The following PCDH11X variants were observed in gnomAD, a reference collection of about 807,000 sequenced individuals.
The protein encoded by PCDH11X is protocadherin-11 X-linked.
A neutral mutation model predicts 53.3 loss-of-function variants in PCDH11X; 18 were observed. The observed-to-expected ratio is 0.34, with a 90% CI of 0.23 to 0.50. PCDH11X has a LOEUF of 0.50. Ranked by LOEUF, PCDH11X falls within the 20% of genes least tolerant of loss-of-function variation. The probability of loss-of-function intolerance (pLI) is 0.98; values close to 1 mark genes in which losing one functional copy is unlikely to be tolerated. For missense variants in PCDH11X, 570 were observed against 1,032.4 expected, an observed-to-expected ratio of 0.55 and a Z score of 6.14; for synonymous variants, 279 against 393.3, an observed-to-expected ratio of 0.71 and a Z score of 3.44.
At chrX:92,464,011 G>T (rs1467502971) in intron 9 of PCDH11X, among the ~76,000 whole-genome samples, 1 of 111,497 alleles carries the variant, frequency 9.0e-6, no homozygotes, top group Non-Finnish European at 1.9e-5. Context: ...TAAGGTTTTA[G>T]TTACCTCTAT....
intron 6 of PCDH11X, among the ~76,000 whole-genome samples, chrX:92,193,007 G>A (rs2066226626): frequency 8.9e-6 from 1 of 112,041 alleles, no homozygotes; most frequent in Non-Finnish European, 1.9e-5. Flanking sequence ...CCAAAGTGCT[G>A]AGATTACAGG....
intron 8 of PCDH11X, among the ~76,000 whole-genome samples, chrX:92,382,816 T>C (rs1260707311): frequency 1.9e-5 from 2 of 105,015 alleles, no homozygotes; most frequent in Non-Finnish European, 3.9e-5. Flanking sequence ...TCAATAGATT[T>C]GTTTTAATTT....
chrX:92,524,680 G>A (rs1298538030), intron 10 of PCDH11X, among the ~76,000 whole-genome samples: 1 of 109,504 alleles, frequency 9.1e-6, no homozygotes, highest in African/African-American at 3.3e-5. Context: ...TTATCATCTG[G>A]TATTCTGTTC....
At chrX:92,280,168 A>C (rs1182883862) in intron 8 of PCDH11X, among the ~76,000 whole-genome samples, 2 of 112,210 alleles carry the variant, frequency 1.8e-5, no homozygotes, top group African/African-American at 3.2e-5. Flanking sequence ...CTAGGTGTGT[A>C]GTAGGCTACA....
chrX:92,159,541 T>C (rs1310588852), intron 6 of PCDH11X, among the ~76,000 whole-genome samples: 1 of 109,066 alleles, frequency 9.2e-6, no homozygotes, highest in Non-Finnish European at 1.9e-5. Context: ...AGTGTGTGTA[T>C]GTTTTAGAGT....
Position 92,622,550 on chromosome X carries a change from A to AT in PCDH11X, c.*3616dup, listed in dbSNP as rs760480214. The AT allele has an allele frequency of 6.3e-5, 7 of 110,344 alleles. No homozygotes were observed. In the East Asian group the frequency reaches 1.7e-3, roughly 27 times the overall value. The allele number at this position is 110,344 out of a possible 1,213,427, so 9.1% of individuals were successfully genotyped here. The stretch of plus-strand genomic sequence containing the variant: ...TTATTTCTTATCTTTCTTCTTTTAT[A>AT]TTTTTTGGAAACCAAATTTATAGTT... On this transcript the variant is annotated 3_prime_UTR_variant, in exon 11 of 11. Coordinates refer to ENST00000682573, the MANE Select transcript of PCDH11X (RefSeq NM_032968.5).
intron 6 of PCDH11X, among the ~76,000 whole-genome samples, chrX:91,966,552 G>A (rs1036158468): frequency 3.4e-4 from 37 of 109,545 alleles, no homozygotes; most frequent in African/African-American, 1.2e-3. Context: ...TGTAAATGAC[G>A]AGTTGATGGG....
chrX:92,317,005 C>T (rs958164180), intron 8 of PCDH11X, among the ~76,000 whole-genome samples: 9 of 110,858 alleles, frequency 8.1e-5, no homozygotes, highest in African/African-American at 3.0e-4. Flanking sequence ...CAGCCAAACA[C>T]GTACTTTCAA....
At chrX:92,132,506 G>A (rs1243682138) in intron 6 of PCDH11X, among the ~76,000 whole-genome samples, 3 of 102,473 alleles carry the variant, frequency 2.9e-5, no homozygotes, top group Admixed American at 2.2e-4. Context: ...TACTTGGGAG[G>A]CTGAGGCAGG....
chrX:92,147,384 A>G (rs1221982676), intron 6 of PCDH11X, among the ~76,000 whole-genome samples: 1 of 110,927 alleles, frequency 9.0e-6, no homozygotes, highest in Non-Finnish European at 1.9e-5. Context: ...ACTTTTACAC[A>G]TTTTATTCCC....
At chrX:92,595,157 A>C (rs1366671595) in intron 10 of PCDH11X, among the ~76,000 whole-genome samples, 2 of 109,449 alleles carry the variant, frequency 1.8e-5, no homozygotes, top group Non-Finnish European at 3.8e-5. Context: ...AAGTTGACTT[A>C]TAGAGCCAAT....
intron 6 of PCDH11X, among the ~76,000 whole-genome samples, chrX:91,932,756 C>A (rs1296919514): frequency 9.0e-6 from 1 of 111,173 alleles, no homozygotes; most frequent in East Asian, 2.9e-4. Flanking sequence ...CTAGACTTAA[C>A]TGTGTACTGA....
At chrX:92,210,542 G>A (rs1041288818) in intron 7 of PCDH11X, among the ~76,000 whole-genome samples, 12 of 110,985 alleles carry the variant, frequency 1.1e-4, no homozygotes, top group South Asian at 7.5e-4. Flanking sequence ...CCCGGCCCCC[G>A]AAAATGGGCT....
chrX:92,399,286 G>A (rs2071330696), intron 9 of PCDH11X, among the ~76,000 whole-genome samples: 1 of 109,840 alleles, frequency 9.1e-6, no homozygotes, highest in South Asian at 4.1e-4. Context: ...TTGTTAAAAT[G>A]CAAACTCAGC....
In PCDH11X at chrX:92,148,645, G is replaced by A. The variant is rs180675373; in HGVS notation, c.3034-52730G>A. Among the ~76,000 whole-genome samples the A allele has an allele frequency of 8.9e-3, 969 of 109,079 alleles. 9 individuals are homozygous for A. The highest frequency in any genetic ancestry group is 0.03 in the African/African-American group (916 of 30,104). 94.7% of individuals were successfully genotyped at this position (109,079 alleles called of 115,157 possible). A position where few individuals can be genotyped will look rare whatever the true frequency, so the allele number is the denominator to read the frequency against. On this transcript the variant is annotated intron_variant, in intron 6 of 10. Transcript: ENST00000682573. The stretch of plus-strand genomic sequence containing the variant: ...CTTACATAAAATAAATTATTATTTT[G>A]TTTAAAATACTTGCTCCTCAGCCAC...
intron 9 of PCDH11X, among the ~76,000 whole-genome samples, chrX:92,389,833 CT>C (rs760090937): frequency 0.012 from 1,291 of 104,275 alleles, 14 homozygotes; most frequent in African/African-American, 0.042. Context: ...TACTTAGGGG[CT>C]TTTTTTTTTA....
intron 6 of PCDH11X, among the ~76,000 whole-genome samples, chrX:91,925,562 A>G (rs1358029344): frequency 9.0e-6 from 1 of 110,977 alleles, no homozygotes; most frequent in Non-Finnish European, 1.9e-5. Flanking sequence ...TCATTATTTG[A>G]GGTCCCTTGT....
intron 8 of PCDH11X, among the ~76,000 whole-genome samples, chrX:92,308,168 G>A (rs1190572238): frequency 9.2e-6 from 1 of 108,163 alleles, no homozygotes; most frequent in African/African-American, 3.4e-5. Context: ...GAATGATATG[G>A]AATCTCAAGG....
At chrX:92,496,343 G>A (rs2073859192) in intron 10 of PCDH11X, among the ~76,000 whole-genome samples, 1 of 102,105 alleles carries the variant, frequency 9.8e-6, no homozygotes, top group Non-Finnish European at 1.9e-5. Flanking sequence ...TAAAATGGAA[G>A]TTGTTTAATT....
Sources: gnomAD v4.1 joint callset for allele counts (sites outside exome capture counted in the v4.1 genomes callset) on GRCh38, gnomAD v4.1.1 for gene constraint, MANE v1.5 for transcripts, NCBI Gene and HGNC (gene_info 2026-07-23, HGNC 2026-07-21) for gene names.